ABCA13: variants seen among roughly 807,000 people sequenced by gnomAD.
The protein encoded by ABCA13 is ATP-binding cassette sub-family A member 13.
ABCA13 carries 476 observed loss-of-function variants against 478.7 expected under a neutral mutation model. The observed-to-expected ratio is 0.99, with a 90% CI of 0.92 to 1.07. The LOEUF (loss-of-function observed/expected upper bound fraction) is 1.07. Among genes scored for constraint, ABCA13 ranks in the 50% least tolerant of loss-of-function variants. The probability of loss-of-function intolerance (pLI) is 0.00; values close to 1 mark genes in which losing one functional copy is unlikely to be tolerated. For missense variants in ABCA13, 6,060 were observed against 5,910.6 expected, an observed-to-expected ratio of 1.03 and a Z score of -0.83; for synonymous variants, 2,252 against 2,158.9, an observed-to-expected ratio of 1.04 and a Z score of -1.20.
chr7:48,354,798 G>A (rs62449226), intron 31 of ABCA13, among the ~76,000 whole-genome samples: 1 of 151,970 alleles, frequency 6.6e-6, no homozygotes, highest in Non-Finnish European at 1.5e-5. Flanking sequence ...AGGGCTTAGA[G>A]TACCTGCAGT....
intron 55 of ABCA13, among the ~76,000 whole-genome samples, chr7:48,552,958 C>G (rs1406085903): frequency 1.3e-5 from 2 of 148,570 alleles, no homozygotes; most frequent in Non-Finnish European, 3.0e-5. Context: ...CCACTTCCCT[C>G]CCTACACACC....
chr7:48,414,666 T>C (rs528192415), intron 41 of ABCA13, among the ~76,000 whole-genome samples: 2 of 151,782 alleles, frequency 1.3e-5, no homozygotes, highest in East Asian at 3.9e-4. Context: ...CAGGGTTTCG[T>C]TGTGTTGCTC....
rs1298323606 is a variant in ABCA13, at chr7:48,241,006, T to G, written c.1202T>G (p.Leu401Arg). ...GTGGAAGCTCTGCACACTGCACTGC[T>G]CCTGCTGAATGACAGCTTGTCAGCA... ...KVVEALHTAL[L>R]LLNDSLSADG... Residue 401 changes from leucine (L) to arginine (R), a missense_variant, in exon 10 of 62, where the codon CTC (leucine) becomes CGC (arginine). By Grantham distance (102) the Leu-to-Arg change is moderately radical (BLOSUM62 -2). Around this residue, in one of 3 missense-constraint regions of ABCA13, gnomAD observed 4,423 missense variants for 4,309.1 expected, o/e 1.03. Coordinates refer to ENST00000435803, the MANE Select transcript of ABCA13 (RefSeq NM_152701.5). The G allele has an allele frequency of 6.2e-7, 1 of 1,613,944 alleles. No homozygotes were observed. The highest frequency in any genetic ancestry group is 1.3e-5 in the African/African-American group (1 of 74,950).
intron 59 of ABCA13, among the ~76,000 whole-genome samples, chr7:48,624,590 C>G (rs1485764374): frequency 6.6e-6 from 1 of 150,996 alleles, no homozygotes. Context: ...GCTCTTGTTG[C>G]CCAGGCTGGT....
chr7:48,225,115 GCCTGCC>G, intron 5 of ABCA13, among the ~76,000 whole-genome samples: 1 of 101,552 alleles, frequency 9.8e-6, no homozygotes, highest in East Asian at 2.5e-4. Flanking sequence ...GTGCGTGCCT[GCCTGCC>G]TGCCTGCCTG....
chr7:48,370,315 G>C (rs1030134536), intron 32 of ABCA13, among the ~76,000 whole-genome samples: 13 of 151,940 alleles, frequency 8.6e-5, no homozygotes, highest in Admixed American at 3.9e-4. Flanking sequence ...GGTTTTCTAG[G>C]TATATGATAT....
chr7:48,565,288 G>A (rs1476789224), intron 55 of ABCA13, among the ~76,000 whole-genome samples: 1 of 149,324 alleles, frequency 6.7e-6, no homozygotes, highest in Non-Finnish European at 1.5e-5. Flanking sequence ...AAAATCTCAG[G>A]AGTATGAAAA....
At chr7:48,523,928 T>C (rs1832722769) in intron 53 of ABCA13, among the ~76,000 whole-genome samples, 1 of 152,252 alleles carries the variant, frequency 6.6e-6, no homozygotes, top group Non-Finnish European at 1.5e-5. Flanking sequence ...ATAATAATTT[T>C]GTGATAAGCT....
intron 31 of ABCA13, among the ~76,000 whole-genome samples, chr7:48,366,930 A>G (rs1811764588): frequency 6.6e-6 from 1 of 152,178 alleles, no homozygotes; most frequent in African/African-American, 2.4e-5. Flanking sequence ...GGAATGAAAG[A>G]TCCTTAATGG....
chr7:48,410,977 C>CTCTG (rs1554499567), intron 40 of ABCA13, among the ~76,000 whole-genome samples: 21 of 104,694 alleles, frequency 2.0e-4, no homozygotes, highest in Non-Finnish European at 3.8e-4. Context: ...AAATTCTTTT[C>CTCTG]TCTTTCTTTC....
At chr7:48,270,718 T>C (rs1243124420) in intron 16 of ABCA13, among the ~76,000 whole-genome samples, 2 of 152,164 alleles carry the variant, frequency 1.3e-5, no homozygotes, top group African/African-American at 4.8e-5. Context: ...GTAAACAGCA[T>C]TCTTGCCTTT....
chr7:48,385,677 G>A (rs139743575), intron 35 of ABCA13, among the ~76,000 whole-genome samples: 2,888 of 152,250 alleles, frequency 0.019, 95 homozygotes, highest in African/African-American at 0.066. Context: ...TATATACTCA[G>A]TAATGGGATT....
chr7:48,585,588 G>T lies in ABCA13; in HGVS notation c.14506-1566G>T, dbSNP rs568234671. Reference sequence around the variant, plus strand: ...AATGATTATCCTAATATTTGTAGAGGTTCTTAATGCTTCATTATCATTATT... The same window carrying T: ...AATGATTATCCTAATATTTGTAGAGTTTCTTAATGCTTCATTATCATTATT... On this transcript the variant is annotated intron_variant, in intron 56 of 61. Coordinates refer to ENST00000435803, the MANE Select transcript of ABCA13 (RefSeq NM_152701.5). Among the ~76,000 whole-genome samples the T allele has an allele frequency of 4.0e-4, 61 of 152,150 alleles. 1 individual carries two copies. The South Asian group carries it at 0.011, about 28-fold the overall frequency.
intron 37 of ABCA13, among the ~76,000 whole-genome samples, chr7:48,391,260 C>T (rs1475099141): frequency 3.3e-5 from 5 of 152,162 alleles, no homozygotes; most frequent in Non-Finnish European, 7.4e-5. Context: ...TATGTCATTT[C>T]TTTAGCATGT....
chr7:48,406,432 C>T (rs1361530828), intron 39 of ABCA13, among the ~76,000 whole-genome samples: 1 of 152,104 alleles, frequency 6.6e-6, no homozygotes, highest in Admixed American at 6.5e-5. Flanking sequence ...TCTGTATATA[C>T]CATGTGTGCG....
chr7:48,501,824 A>G (rs1830776379), intron 48 of ABCA13, among the ~76,000 whole-genome samples: 2 of 152,166 alleles, frequency 1.3e-5, no homozygotes, highest in African/African-American at 4.8e-5. Context: ...ATTGCGGCTC[A>G]TTGTAGAGGC....
chr7:48,595,395 C>A (rs1434283813), intron 58 of ABCA13, among the ~76,000 whole-genome samples: 1 of 152,166 alleles, frequency 6.6e-6, no homozygotes, highest in Admixed American at 6.5e-5. Context: ...AATACAAATT[C>A]TAATGATGTA....
intron 29 of ABCA13, among the ~76,000 whole-genome samples, chr7:48,343,601 T>TA (rs397797686): frequency 2.9e-4 from 44 of 151,868 alleles, no homozygotes; most frequent in Middle Eastern, 3.4e-3. Flanking sequence ...CTTTTTTTTT[T>TA]AATTTCAATA....
At chr7:48,620,871 G>A (rs1479560151) in intron 59 of ABCA13, among the ~76,000 whole-genome samples, 1 of 152,120 alleles carries the variant, frequency 6.6e-6, no homozygotes, top group Non-Finnish European at 1.5e-5. Context: ...CTGGGCTGTG[G>A]AGTGATCTCA....
Sources: allele counts gnomAD v4.1 joint callset (sites outside exome capture counted in the v4.1 genomes callset), GRCh38; gene constraint gnomAD v4.1.1; regional missense constraint gnomAD v4.1.1; transcripts MANE v1.5; gene names NCBI Gene and HGNC (gene_info 2026-07-23, HGNC 2026-07-21).